SLC11A2: variants seen among roughly 807,000 people sequenced by gnomAD.
SLC11A2 encodes solute carrier family 11 member 2, also known as natural resistance-associated macrophage protein 2.
In SLC11A2, 38 loss-of-function variants were observed where a neutral mutation model predicts 68.0. The ratio of observed to expected loss-of-function variants is 0.56; its 90% CI spans 0.43 to 0.73. The LOEUF is 0.73. Ranked by LOEUF, SLC11A2 falls within the 30% of genes least tolerant of loss-of-function variation. The pLI is 0.00. For synonymous variants in SLC11A2, 242 were observed against 250.6 expected, an observed-to-expected ratio of 0.97 and a Z score of 0.32; for missense variants, 517 against 690.5, an observed-to-expected ratio of 0.75 and a Z score of 2.82.
At position 50,992,315 on chromosome 12, in the gene SLC11A2, G is replaced by A. The variant is rs768901870; in HGVS notation, c.1222C>T (p.Arg408Cys). The change falls in exon 13 of 16, where the codon CGC becomes TGC. Residue 408 changes from arginine to cysteine, a missense_variant. By Grantham distance (180) the Arg-to-Cys change is radical. Coordinates refer to ENST00000262052, the MANE Select transcript of SLC11A2 (RefSeq NM_000617.3). ...MEGFLNLKWS[R>C]FARVVLTRSI... is the part of the protein sequence containing the mutation. The stretch of plus-strand genomic sequence containing the variant: ...CGAGTCAGAACCACTCGGGCAAAGC[G>A]TGACCACTTTAGGTTCAGGAATCCC... 3.7e-6 allele frequency: 6 copies of A among 1,613,918 alleles called. No homozygotes were observed. Among genetic ancestry groups the A allele is most frequent in the African/African-American group, 2.7e-5 (2 of 74,904 alleles).
rs557366299 is a variant in SLC11A2, at chr12:51,018,229, T to C, written c.-38-7463A>G. ...GGCCAACATGACAAAACCCCGTCTCTACTAAAAATACAAAAATTAGCCGGG... is the reference window on the plus strand; with the variant it reads ...GGCCAACATGACAAAACCCCGTCTCCACTAAAAATACAAAAATTAGCCGGG... On this transcript the variant is annotated intron_variant, in intron 1 of 15. Transcript: ENST00000262052. 3.3e-5 allele frequency among the ~76,000 whole-genome samples: 5 copies of C among 152,158 alleles called. No homozygotes were observed. In the South Asian group the frequency reaches 1.0e-3, roughly 32 times the overall value.
At chr12:50,998,971 C>T (rs73298000) in intron 8 of SLC11A2, among the ~76,000 whole-genome samples, 4,281 of 152,068 alleles carry the variant, frequency 0.028, 205 homozygotes, top group African/African-American at 0.099. Flanking sequence ...AACCTGGGAG[C>T]CCCTGCAGGC....
At chr12:50,985,982 G>A, downstream of SLC11A2, 1 of 1,146,362 alleles carries the variant, frequency 8.7e-7, no homozygotes, top group Non-Finnish European at 1.1e-6. Flanking sequence ...AAAATACCCA[G>A]GAAACCAAAT....
In SLC11A2 at chr12:50,995,899, C is replaced by T. The variant is rs73297991; in HGVS notation, c.832-112G>A. 90 of 955,400 alleles carry T rather than the reference C, an allele frequency of 9.4e-5. 1 individual carries two copies. Among genetic ancestry groups the T allele is most frequent in the South Asian group, 5.7e-4 (43 of 74,930 alleles). The allele number at this position is 955,400 out of a possible 1,614,324, so 59.2% of individuals were successfully genotyped here. ...ATTTAGGGGACAAAAGTTGACCAGA[C>T]GAAAAGTGAGAGATCCAACACTCAC... On this transcript the variant is annotated intron_variant, in intron 9 of 15. Transcript: ENST00000262052.
chr12:50,999,862 G>T (rs947640073), intron 6 of SLC11A2, among the ~76,000 whole-genome samples: 2 of 152,024 alleles, frequency 1.3e-5, no homozygotes, highest in African/African-American at 4.8e-5. Flanking sequence ...ACAAAAATTA[G>T]CTGGACATGG....
intron 1 of SLC11A2, among the ~76,000 whole-genome samples, chr12:51,017,267 C>T (rs1257431713): frequency 6.6e-6 from 1 of 152,184 alleles, no homozygotes; most frequent in African/African-American, 2.4e-5. Context: ...ATAAACTGTG[C>T]ACATTCATTG....
At chr12:50,983,696 G>A (rs190580360), downstream of SLC11A2, among the ~76,000 whole-genome samples, 1 of 152,216 alleles carries the variant, frequency 6.6e-6, no homozygotes, top group East Asian at 1.9e-4. Context: ...AAATTAGCCA[G>A]GTGCAGTGGC....
chr12:50,987,328 A>G lies in SLC11A2; in HGVS notation c.*997T>C, dbSNP rs2136157778. ...CCACAGCTCCTGAGATTGCCTCGCA[A>G]GTCATCTTGGGCATGAAGCAGAGCG... On this transcript the variant is annotated 3_prime_UTR_variant, in exon 16 of 16. Transcript: ENST00000262052. 7.8e-7 allele frequency: 1 copy of G among 1,287,220 alleles called. No individual in the cohort carries two copies. The highest frequency in any genetic ancestry group is 1.2e-5 in the South Asian group (1 of 80,938). The allele number at this position is 1,287,220 out of a possible 1,614,324, so 79.7% of individuals were successfully genotyped here. A position where few individuals can be genotyped will look rare whatever the true frequency, so the allele number is the denominator to read the frequency against.
At chr12:50,978,313 T>C (rs906173846), downstream of SLC11A2, among the ~76,000 whole-genome samples, 7 of 151,912 alleles carry the variant, frequency 4.6e-5, no homozygotes, top group African/African-American at 1.7e-4. Context: ...TATGCAGCCA[T>C]AAACAATGAT....
At position 50,988,304 on chromosome 12, in the gene SLC11A2, A is replaced by T. The variant is rs1365212060; in HGVS notation, c.*21T>A. ...CACACTGGCTCTGATGGCTACCTGC[A>T]GAAGACAGACTAATCCAGTGTTATT... On this transcript the variant is annotated 3_prime_UTR_variant, in exon 16 of 16. Coordinates refer to ENST00000262052, the MANE Select transcript of SLC11A2 (RefSeq NM_000617.3). 1.9e-6 allele frequency: 3 copies of T among 1,613,848 alleles called. No homozygotes were observed. Among genetic ancestry groups the T allele is most frequent in the Non-Finnish European group, 2.5e-6 (3 of 1,179,808 alleles).
chr12:51,011,407 C>T (rs1055662672), intron 1 of SLC11A2, among the ~76,000 whole-genome samples: 1 of 152,116 alleles, frequency 6.6e-6, no homozygotes, highest in Non-Finnish European at 1.5e-5. Flanking sequence ...GGATTATAGG[C>T]ATGAGCCAAC....
At chr12:50,978,631 T>C (rs544050333), downstream of SLC11A2, among the ~76,000 whole-genome samples, 3 of 151,514 alleles carry the variant, frequency 2.0e-5, no homozygotes. Context: ...CCCTAGAACT[T>C]AAAGTATAAT....
chr12:50,979,964 G>A (rs541239581), downstream of SLC11A2: 204 of 453,842 alleles, frequency 4.5e-4, 2 homozygotes, highest in South Asian at 1.2e-3. Context: ...AGTGGCTCAC[G>A]CCTATAATCT....
At chr12:50,960,681 C>T in the SLC11A2 span, among the ~76,000 whole-genome samples, 18 of 146,368 alleles carry the variant, frequency 1.2e-4, 1 homozygote, top group Admixed American at 1.2e-3. Flanking sequence ...GTATTTAACC[C>T]ATACATTTTT....
At position 50,988,168 on chromosome 12, in the gene SLC11A2, T is replaced by A. The variant is rs1565982041; in HGVS notation, c.*157A>T. The A allele has an allele frequency of 6.5e-7, 1 of 1,531,532 alleles. No individual in the cohort carries two copies. The allele number at this position is 1,531,532 out of a possible 1,614,324, so 94.9% of individuals were successfully genotyped here. On this transcript the variant is annotated 3_prime_UTR_variant, in exon 16 of 16. Coordinates refer to ENST00000262052, the MANE Select transcript of SLC11A2 (RefSeq NM_000617.3). ...GGTCAGGAAGGAAAAAATAATTCCATCTTTCAAATACACATGAAACAAAGT... is the reference window on the plus strand; with the variant it reads ...GGTCAGGAAGGAAAAAATAATTCCAACTTTCAAATACACATGAAACAAAGT...
intron 5 of SLC11A2, among the ~76,000 whole-genome samples, chr12:51,001,430 T>C (rs1372789074): frequency 6.6e-6 from 1 of 152,030 alleles, no homozygotes; most frequent in African/African-American, 2.4e-5. Flanking sequence ...AAGTTAACTA[T>C]TGTGTATTGG....
At chr12:51,027,917 T>G (rs112185060), upstream of SLC11A2, among the ~76,000 whole-genome samples, 505 of 18,166 alleles carry the variant, frequency 0.028, 4 homozygotes, top group East Asian at 0.046. Context: ...CAAAAAAAAG[T>G]GGGGGGGGGG....
At chr12:51,021,732 T>G (rs1019985085) in intron 1 of SLC11A2, among the ~76,000 whole-genome samples, 1 of 151,780 alleles carries the variant, frequency 6.6e-6, no homozygotes, top group African/African-American at 2.4e-5. Flanking sequence ...AACCTGACAT[T>G]GAGACCATCT....
intron 1 of SLC11A2, among the ~76,000 whole-genome samples, chr12:51,012,799 G>A (rs1429121388): frequency 6.6e-6 from 1 of 152,120 alleles, no homozygotes; most frequent in Admixed American, 6.6e-5. Context: ...TGTGTCTCCT[G>A]TCAGGTTTTA....
Sources: allele counts gnomAD v4.1 joint callset (sites outside exome capture counted in the v4.1 genomes callset), GRCh38; gene constraint gnomAD v4.1.1; transcripts MANE v1.5; gene names NCBI Gene and HGNC (gene_info 2026-07-23, HGNC 2026-07-21).